Variants in TUBGCP5 observed in about 807,000 individuals in gnomAD.
The protein encoded by TUBGCP5 is gamma-tubulin complex component 5.
A neutral mutation model predicts 134.7 loss-of-function variants in TUBGCP5; 98 were observed. The ratio of observed to expected loss-of-function variants is 0.73; its 90% confidence interval spans 0.62 to 0.86. The LOEUF is 0.86. Among genes scored for constraint, TUBGCP5 ranks in the 40% least tolerant of loss-of-function variants. TUBGCP5 has a pLI of 0.00. For synonymous variants in TUBGCP5, 456 were observed against 431.4 expected, an observed-to-expected ratio of 1.06 and a Z score of -0.71; for missense variants, 1,150 against 1,244.8, an observed-to-expected ratio of 0.92 and a Z score of 1.15.
chr15:23,022,271 A>C, intron 10 of TUBGCP5, 110 bp from the exon 11 acceptor site: 1 of 1,085,002 alleles, frequency 9.2e-7, no homozygotes, highest in Non-Finnish European at 1.4e-6. Context: ...GGCAAAATGG[A>C]GGACGGTGGA....
At chr15:22,987,883 G>A (rs1228030890) in intron 23 of TUBGCP5, among the ~76,000 whole-genome samples, 3 of 109,886 alleles carry the variant, frequency 2.7e-5, no homozygotes, top group South Asian at 3.4e-4. Flanking sequence ...GTGACAGAGC[G>A]AGACTCCATC....
chr15:23,018,116 C>A (rs185068491), intron 12 of TUBGCP5, 75 bp from the exon 13 acceptor site: 1 of 1,404,990 alleles, frequency 7.1e-7, no homozygotes, highest in Non-Finnish European at 9.6e-7. Context: ...AGTTTGTTGT[C>A]CAGACATTAT....
chr15:23,000,207 A>C (rs1188968064), intron 22 of TUBGCP5: 1 of 1,118,732 alleles, frequency 8.9e-7, no homozygotes, highest in African/African-American at 1.6e-5. Flanking sequence ...GCGCCAGGCC[A>C]GGAGCTTTAA....
chr15:22,988,674 T>G (rs1349969855), intron 23 of TUBGCP5, among the ~76,000 whole-genome samples: 2 of 148,912 alleles, frequency 1.3e-5, no homozygotes, highest in Non-Finnish European at 3.0e-5. Flanking sequence ...AGGCAGAGCT[T>G]GCAGTGAGCC....
At chr15:23,025,048 C>G (rs1264356986) in intron 8 of TUBGCP5, among the ~76,000 whole-genome samples, 1 of 152,036 alleles carries the variant, frequency 6.6e-6, no homozygotes, top group African/African-American at 2.4e-5. Context: ...ACTACAGGTG[C>G]ATGTCACCAT....
intron 15 of TUBGCP5, 45 bp downstream of exon 15, chr15:23,009,900 T>C: frequency 6.4e-7 from 1 of 1,553,546 alleles, no homozygotes; most frequent in South Asian, 1.2e-5. Context: ...GTTCTTCAAG[T>C]ACAATCAACT....
At chr15:23,035,277 C>T (rs865844388) in intron 3 of TUBGCP5, among the ~76,000 whole-genome samples, 1 of 148,154 alleles carries the variant, frequency 6.7e-6, no homozygotes, top group Admixed American at 6.8e-5. Flanking sequence ...TGCAATGAGT[C>T]GAGACTGCAC....
At chr15:23,031,101 TGAA>T (rs2066284161) in intron 5 of TUBGCP5, 81 bp from the exon 6 acceptor site, 1 of 1,379,732 alleles carries the variant, frequency 7.2e-7, no homozygotes, top group East Asian at 2.6e-5. Context: ...AAGAAAACTT[TGAA>T]GAAAAGCAAA....
At chr15:23,019,830 C>T (rs1190749868) in intron 11 of TUBGCP5, among the ~76,000 whole-genome samples, 1 of 151,974 alleles carries the variant, frequency 6.6e-6, no homozygotes. Context: ...AAGAAAAACT[C>T]ACCTAAATAT....
intron 13 of TUBGCP5, among the ~76,000 whole-genome samples, chr15:23,012,476 G>A (rs55772009): frequency 1.3e-5 from 2 of 151,800 alleles, no homozygotes; most frequent in East Asian, 1.9e-4. Flanking sequence ...GCATGATCTC[G>A]GCTCACTGCA....
chr15:23,028,878 G>A (rs141590947), intron 6 of TUBGCP5, among the ~76,000 whole-genome samples: 6 of 152,158 alleles, frequency 3.9e-5, no homozygotes, highest in Non-Finnish European at 8.8e-5. Context: ...ATCAATATTC[G>A]CAGATGATAC....
chr15:23,024,853 C>T lies in TUBGCP5; in HGVS notation c.828-23G>A, dbSNP rs757477830. 5.6e-5 allele frequency: 78 copies of T among 1,382,974 alleles called. No homozygotes were observed. In the East Asian group the frequency reaches 1.5e-3, roughly 26 times the overall value. The allele number at this position is 1,382,974 out of a possible 1,614,324, so 85.7% of individuals were successfully genotyped here. ...AACCTGAAATGAGATTAAAAAAAGA[C>T]GAGTGTACTTTAAGTCTAGAAAAAT... On this transcript the variant is annotated intron_variant, in intron 8 of 22. Transcript: ENST00000615383.
intron 11 of TUBGCP5, 25 bp downstream of exon 11, chr15:23,021,934 C>T (rs113945444): frequency 0.02 from 32,483 of 1,611,112 alleles, 447 homozygotes; most frequent in Non-Finnish European, 0.023. Context: ...TGGAGTCACA[C>T]ACTTTAGGCA....
intron 23 of TUBGCP5, among the ~76,000 whole-genome samples, chr15:22,985,220 CTTTTTT>C (rs2063643107): frequency 6.9e-6 from 1 of 145,874 alleles, no homozygotes; most frequent in South Asian, 2.1e-4. Flanking sequence ...TTTGTTTTTT[CTTTTTT>C]GTTTTTTTTG....
At chr15:22,996,679 A>C (rs956732893), downstream of TUBGCP5, among the ~76,000 whole-genome samples, 4 of 151,852 alleles carry the variant, frequency 2.6e-5, no homozygotes, top group Non-Finnish European at 4.4e-5. Context: ...GTAGAGATGG[A>C]GTTTCACCAT....
intron 20 of TUBGCP5, among the ~76,000 whole-genome samples, chr15:23,003,887 A>G (rs1043753183): frequency 7.9e-5 from 12 of 152,228 alleles, no homozygotes; most frequent in Admixed American, 7.2e-4. Flanking sequence ...TCTTGGCCTC[A>G]TAAGATCTGC....
intron 19 of TUBGCP5, among the ~76,000 whole-genome samples, chr15:23,004,942 C>T (rs1219105690): frequency 6.6e-6 from 1 of 152,176 alleles, no homozygotes; most frequent in East Asian, 1.9e-4. Flanking sequence ...AATTTCTGAA[C>T]GCTTCTTTTA....
chr15:23,015,001 C>G (rs2065233527), intron 13 of TUBGCP5, among the ~76,000 whole-genome samples: 1 of 152,150 alleles, frequency 6.6e-6, no homozygotes, highest in South Asian at 2.1e-4. Context: ...AGCCAGACCC[C>G]ACCTTGGCCA....
At chr15:22,986,042 GA>G (rs2063667627) in intron 23 of TUBGCP5, among the ~76,000 whole-genome samples, 1 of 149,958 alleles carries the variant, frequency 6.7e-6, no homozygotes, top group Non-Finnish European at 1.5e-5. Context: ...GCTGAGACAG[GA>G]GAATGGTGTG....
Sources: gnomAD v4.1 joint callset for allele counts (sites outside exome capture counted in the v4.1 genomes callset) on GRCh38, gnomAD v4.1.1 for gene constraint, MANE v1.5 for transcripts, NCBI Gene and HGNC (gene_info 2026-07-23, HGNC 2026-07-21) for gene names.